Variants in WWOX observed in about 807,000 individuals in gnomAD.
The protein encoded by WWOX is WW domain-containing oxidoreductase.
WWOX carries 69 observed loss-of-function variants against 46.2 expected under a neutral mutation model. That is an observed-to-expected ratio of 1.49 (90% confidence interval 1.23 to 1.82). The LOEUF (loss-of-function observed/expected upper bound fraction) is 1.82, where lower values mean the gene tolerates loss of function less well. Ranked by LOEUF, WWOX falls within the 40% of genes most tolerant of loss-of-function variation. The pLI, the probability that WWOX is intolerant of heterozygous loss-of-function variation, is 0.00. For missense variants in WWOX, 919 were observed against 542.6 expected, an observed-to-expected ratio of 1.69 and a Z score of -6.89; for synonymous variants, 359 against 202.6, an observed-to-expected ratio of 1.77 and a Z score of -6.56.
At chr16:78,184,573 A>G (rs2035637315) in intron 5 of WWOX, among the ~76,000 whole-genome samples, 1 of 111,198 alleles carries the variant, frequency 9.0e-6, no homozygotes, top group African/African-American at 2.6e-5. Context: ...CCCCGTTTAT[A>G]CTATAAACAT....
At chr16:78,957,794 G>T (rs142001377) in intron 8 of WWOX, among the ~76,000 whole-genome samples, 1 of 152,196 alleles carries the variant, frequency 6.6e-6, no homozygotes, top group Admixed American at 6.5e-5. Context: ...CTCTTGTCCT[G>T]TTTTAATCTC....
chr16:78,444,190 T>C (rs1348522843), intron 8 of WWOX, among the ~76,000 whole-genome samples: 1 of 152,212 alleles, frequency 6.6e-6, no homozygotes, highest in East Asian at 1.9e-4. Flanking sequence ...CGTGCCGGGC[T>C]CTGTGGTCAT....
intron 6 of WWOX, among the ~76,000 whole-genome samples, chr16:78,415,761 G>C (rs1390532991): frequency 2.0e-5 from 3 of 152,186 alleles, no homozygotes; most frequent in African/African-American, 7.2e-5. Context: ...TTGCCAGAAA[G>C]CCTGGCTCTG....
intron 5 of WWOX, among the ~76,000 whole-genome samples, chr16:78,241,006 T>C (rs964400316): frequency 1.3e-5 from 2 of 152,134 alleles, no homozygotes; most frequent in Non-Finnish European, 2.9e-5. Context: ...TCCATCTCAG[T>C]GGGCATGTTC....
At chr16:78,692,808 C>A (rs1237658013) in intron 8 of WWOX, among the ~76,000 whole-genome samples, 1 of 152,164 alleles carries the variant, frequency 6.6e-6, no homozygotes. Context: ...CATTTGAAGT[C>A]ATTGGAAACC....
chr16:78,728,272 C>G (rs1308068632), intron 8 of WWOX, among the ~76,000 whole-genome samples: 1 of 151,720 alleles, frequency 6.6e-6, no homozygotes, highest in East Asian at 1.9e-4. Flanking sequence ...ACTGTGTTGC[C>G]CAAGCTGGTC....
At chr16:78,908,122 C>A (rs1371331433) in intron 8 of WWOX, among the ~76,000 whole-genome samples, 1 of 152,196 alleles carries the variant, frequency 6.6e-6, no homozygotes, top group African/African-American at 2.4e-5. Flanking sequence ...AGTTTTACAC[C>A]AGGATTCTAT....
chr16:78,757,012 C>A lies in WWOX; in HGVS notation c.1056+324260C>A, dbSNP rs968799452. The A allele has an allele frequency of 5.7e-6, 4 of 699,678 alleles. No individual in the cohort carries two copies. The African/African-American group carries it at 7.3e-5, about 13-fold the overall frequency. The allele number at this position is 699,678 out of a possible 1,614,324, so 43.3% of individuals were successfully genotyped here. A position where few individuals can be genotyped will look rare whatever the true frequency, so the allele number is the denominator to read the frequency against. ...GAAGAACTGAGCCTCCTGCCAACAG[C>A]CATGTGAGTGAACCACGTTCGAAGT... On this transcript the variant is annotated intron_variant, in intron 8 of 8. Transcript: ENST00000566780.
chr16:78,479,754 G>C (rs74911629), intron 8 of WWOX, among the ~76,000 whole-genome samples: 2 of 152,278 alleles, frequency 1.3e-5, no homozygotes, highest in South Asian at 2.1e-4. Context: ...TGGGAGTCTA[G>C]ACAGTGGTCA....
chr16:78,425,605 T>G (rs1302052683), intron 7 of WWOX, among the ~76,000 whole-genome samples: 1 of 152,224 alleles, frequency 6.6e-6, no homozygotes, highest in South Asian at 2.1e-4. Flanking sequence ...TTTTTCCTAT[T>G]GCCATTAGGA....
chr16:78,633,429 G>A (rs986812166), intron 8 of WWOX, among the ~76,000 whole-genome samples: 9 of 152,174 alleles, frequency 5.9e-5, no homozygotes, highest in African/African-American at 2.2e-4. Context: ...CTTCAAGCCT[G>A]AGCAGGTGAT....
Position 78,616,954 on chromosome 16 carries a change from T to A in WWOX, c.1056+184202T>A, listed in dbSNP as rs115389366. 3.0e-3 allele frequency among the ~76,000 whole-genome samples: 462 copies of A among 152,310 alleles called. 3 individuals carry two copies. Among genetic ancestry groups the A allele is most frequent in the African/African-American group, 0.011 (440 of 41,574 alleles). ...TAATGTTTTATAATGTTCCTTTTGC[T>A]TTAACAAGAGACACATGTCAGATAG... On this transcript the variant is annotated intron_variant, in intron 8 of 8. Coordinates refer to ENST00000566780, the MANE Select transcript of WWOX (RefSeq NM_016373.4).
intron 8 of WWOX, among the ~76,000 whole-genome samples, chr16:78,510,062 CA>C (rs2085322491): frequency 7.9e-6 from 1 of 126,336 alleles, no homozygotes; most frequent in Admixed American, 9.1e-5. Context: ...ATCCTGTCTC[CA>C]AGTCTGTCTG....
chr16:79,074,237 A>G (rs34233224), intron 8 of WWOX, among the ~76,000 whole-genome samples: 2 of 148,094 alleles, frequency 1.4e-5, no homozygotes, highest in South Asian at 4.2e-4. Flanking sequence ...CTATTTTTTT[A>G]AAAAATATAA....
chr16:78,826,134 C>T (rs1203127046), intron 8 of WWOX: 2 of 265,814 alleles, frequency 7.5e-6, no homozygotes. Flanking sequence ...ACAGGCCGAT[C>T]ACTTGAGGTC....
chr16:78,847,580 C>G (rs529595390), intron 8 of WWOX, among the ~76,000 whole-genome samples: 3 of 151,906 alleles, frequency 2.0e-5, no homozygotes, highest in Admixed American at 2.0e-4. Flanking sequence ...GCGATTCTCC[C>G]GCCTCAGCTT....
chr16:78,568,607 C>G (rs1485255844), intron 8 of WWOX, among the ~76,000 whole-genome samples: 1 of 151,682 alleles, frequency 6.6e-6, no homozygotes, highest in African/African-American at 2.4e-5. Flanking sequence ...TCCCGAGTAG[C>G]TGGGATTACA....
chr16:78,818,585 G>C (rs2051406452), intron 8 of WWOX, among the ~76,000 whole-genome samples: 1 of 152,176 alleles, frequency 6.6e-6, no homozygotes, highest in African/African-American at 2.4e-5. Context: ...TTAAAAATCG[G>C]CTGGGCATGG....
At chr16:78,629,782 T>A (rs1360335923) in intron 8 of WWOX, among the ~76,000 whole-genome samples, 1 of 152,228 alleles carries the variant, frequency 6.6e-6, no homozygotes. Context: ...GTCTTTCATA[T>A]AAGTATTTCT....
Sources: gnomAD v4.1 joint callset for allele counts (sites outside exome capture counted in the v4.1 genomes callset) on GRCh38, gnomAD v4.1.1 for gene constraint, MANE v1.5 for transcripts, NCBI Gene and HGNC (gene_info 2026-07-23, HGNC 2026-07-21) for gene names.